EYS: variants seen among roughly 807,000 people sequenced by gnomAD.
The protein encoded by EYS is protein eyes shut homolog.
In EYS, 250 loss-of-function variants were observed where a neutral mutation model predicts 282.1. The observed-to-expected ratio is 0.89, with a 90% confidence interval of 0.80 to 0.98. The LOEUF (loss-of-function observed/expected upper bound fraction) is 0.98, where lower values mean the gene tolerates loss of function less well. Ranked by LOEUF, EYS falls within the 50% of genes least tolerant of loss-of-function variation. EYS has a pLI of 0.00. For synonymous variants in EYS, 1,355 were observed against 1,282.9 expected (o/e 1.06, Z -1.20); for missense variants, 4,016 against 3,709.0 (o/e 1.08, Z -2.15).
At chr6:64,269,191 T>G (rs1414404594) in intron 30 of EYS, among the ~76,000 whole-genome samples, 2 of 152,092 alleles carry the variant, frequency 1.3e-5, no homozygotes, top group Non-Finnish European at 2.9e-5. Flanking sequence ...GGTACCAGCT[T>G]ATTACAGAGC....
chr6:65,362,445 A>G (rs913011534), intron 8 of EYS, among the ~76,000 whole-genome samples: 1 of 152,058 alleles, frequency 6.6e-6, no homozygotes, highest in African/African-American at 2.4e-5. Context: ...GAGTAAAGTA[A>G]AATTGACATA....
chr6:64,181,696 A>G (rs922187141), intron 31 of EYS, among the ~76,000 whole-genome samples: 1 of 152,064 alleles, frequency 6.6e-6, no homozygotes, highest in African/African-American at 2.4e-5. Flanking sequence ...CCAGTCCACT[A>G]AAAAACGTGT....
intron 12 of EYS, among the ~76,000 whole-genome samples, chr6:65,149,506 G>A (rs771182325): frequency 6.6e-5 from 10 of 151,954 alleles, no homozygotes; most frequent in Admixed American, 1.3e-4. Context: ...TTTTCCACAA[G>A]TTTCTGTCTT....
At chr6:64,329,712 A>G (rs969791783) in intron 29 of EYS, among the ~76,000 whole-genome samples, 2 of 152,148 alleles carry the variant, frequency 1.3e-5, no homozygotes, top group South Asian at 2.1e-4. Context: ...ATTTGGGATA[A>G]TAGAAAGATG....
At chr6:65,132,917 G>A (rs920739745) in intron 12 of EYS, among the ~76,000 whole-genome samples, 7 of 151,660 alleles carry the variant, frequency 4.6e-5, no homozygotes, top group African/African-American at 1.7e-4. Context: ...TACACACCAA[G>A]AACAGCCAAG....
chr6:64,492,875 C>T (rs1776780233), intron 26 of EYS, among the ~76,000 whole-genome samples: 1 of 151,388 alleles, frequency 6.6e-6, no homozygotes, highest in Admixed American at 6.6e-5. Flanking sequence ...AGTGCCTTCT[C>T]TGCTTTAAGC....
intron 37 of EYS, among the ~76,000 whole-genome samples, chr6:63,791,577 CAAAAAAAAA>C (rs889736940): frequency 1.3e-4 from 7 of 52,728 alleles, no homozygotes; most frequent in Non-Finnish European, 2.7e-4. Context: ...GACTCCCTCT[CAAAAAAAAA>C]AAAAAAAAAA....
intron 1 of EYS, among the ~76,000 whole-genome samples, chr6:65,653,433 C>CT (rs1452777348): frequency 1.8e-4 from 27 of 151,924 alleles, no homozygotes; most frequent in African/African-American, 6.5e-4. Flanking sequence ...CTAGCACAAG[C>CT]TTTGATATAC....
intron 19 of EYS, among the ~76,000 whole-genome samples, chr6:64,836,324 T>C (rs936905415): frequency 6.6e-5 from 10 of 150,926 alleles, no homozygotes; most frequent in African/African-American, 2.2e-4. Flanking sequence ...ACTATAAATA[T>C]ATGGCAATGT....
chr6:65,484,477 C>T (rs1765717532), intron 5 of EYS, among the ~76,000 whole-genome samples: 1 of 152,102 alleles, frequency 6.6e-6, no homozygotes, highest in Non-Finnish European at 1.5e-5. Context: ...AGTAATAACA[C>T]ACCTCTCTTT....
intron 12 of EYS, among the ~76,000 whole-genome samples, chr6:65,168,595 C>T (rs571477611): frequency 2.6e-5 from 4 of 151,054 alleles, no homozygotes; most frequent in African/African-American, 9.7e-5. Context: ...CTAATATTGC[C>T]TTAAAGGCTC....
intron 36 of EYS, among the ~76,000 whole-genome samples, chr6:63,813,852 G>C (rs1174612804): frequency 6.6e-6 from 1 of 152,168 alleles, no homozygotes; most frequent in African/African-American, 2.4e-5. Context: ...CAGAATGCCA[G>C]TTTTCCAACC....
chr6:65,386,017 C>T (rs1203108332), intron 7 of EYS, among the ~76,000 whole-genome samples: 2 of 151,824 alleles, frequency 1.3e-5, no homozygotes, highest in African/African-American at 2.4e-5. Flanking sequence ...ATGTGACTTT[C>T]GGGCTTACTT....
intron 12 of EYS, among the ~76,000 whole-genome samples, chr6:65,267,038 C>T (rs1359420904): frequency 6.7e-6 from 1 of 149,424 alleles, no homozygotes; most frequent in Non-Finnish European, 1.5e-5. Flanking sequence ...TTGAATTAAG[C>T]CCTATTTTTG....
At chr6:63,898,506 A>AT (rs978206954) in intron 35 of EYS, among the ~76,000 whole-genome samples, 8 of 151,116 alleles carry the variant, frequency 5.3e-5, no homozygotes, top group Admixed American at 6.6e-5. Flanking sequence ...AATAATAATA[A>AT]AAATAAATAA....
At chr6:64,127,473 T>C (rs1206800529) in intron 31 of EYS, among the ~76,000 whole-genome samples, 2 of 152,170 alleles carry the variant, frequency 1.3e-5, no homozygotes, top group African/African-American at 4.8e-5. Context: ...CTGTCTAATA[T>C]TAACACAAAC....
chr6:65,170,288 G>T (rs1765075535), intron 12 of EYS, among the ~76,000 whole-genome samples: 1 of 151,230 alleles, frequency 6.6e-6, no homozygotes, highest in South Asian at 2.1e-4. Context: ...TGATAGAAAA[G>T]AACATCCCTG....
intron 36 of EYS, among the ~76,000 whole-genome samples, chr6:63,828,489 C>T (rs1281648727): frequency 2.6e-5 from 4 of 152,114 alleles, no homozygotes; most frequent in African/African-American, 7.2e-5. Context: ...AAAATACAAC[C>T]CTTCCAGCAC....
At chr6:64,911,948 CAGG>C (rs1234277198) in intron 16 of EYS, among the ~76,000 whole-genome samples, 1 of 152,132 alleles carries the variant, frequency 6.6e-6, no homozygotes, top group Non-Finnish European at 1.5e-5. Context: ...CGGCTGGATC[CAGG>C]AGCTCCAATA....
Sources: allele counts gnomAD v4.1 joint callset (sites outside exome capture counted in the v4.1 genomes callset), GRCh38; gene constraint gnomAD v4.1.1; transcripts MANE v1.5; gene names NCBI Gene and HGNC (gene_info 2026-07-23, HGNC 2026-07-21).